Variants in RASGRF1 observed in about 807,000 individuals in gnomAD.
RASGRF1 encodes the protein Ras protein specific guanine nucleotide releasing factor 1.
Under a neutral mutation model 138.7 loss-of-function variants are expected in RASGRF1, and 40 were observed. That is an observed-to-expected ratio of 0.29 (90% CI 0.22 to 0.38). The LOEUF (loss-of-function observed/expected upper bound fraction) is 0.38. Ranked by LOEUF, RASGRF1 falls within the 10% of genes least tolerant of loss-of-function variation. The pLI, the probability that RASGRF1 is intolerant of heterozygous loss-of-function variation, is 1.00. For missense variants in RASGRF1, 1,108 were observed against 1,650.4 expected, an observed-to-expected ratio of 0.67 and a Z score of 5.69; for synonymous variants, 614 against 663.2, an observed-to-expected ratio of 0.93 and a Z score of 1.14.
intron 14 of RASGRF1, chr15:79,004,830 A>T: frequency 1.0e-6 from 1 of 985,334 alleles, no homozygotes; most frequent in Non-Finnish European, 1.2e-6. Flanking sequence ...TGCACACAGG[A>T]TAGGATTGAT....
Position 79,090,633 on chromosome 15 carries a change from A to C in RASGRF1, c.-135T>G. 5.3e-5 allele frequency: 63 copies of C among 1,194,964 alleles called. No homozygotes were observed. Among genetic ancestry groups the C allele is most frequent in the Non-Finnish European group, 6.7e-5 (57 of 853,194 alleles). 74.0% of individuals were successfully genotyped at this position (1,194,964 alleles called of 1,614,324 possible). A position where few individuals can be genotyped will look rare whatever the true frequency, so the allele number is the denominator to read the frequency against. On this transcript the variant is annotated 5_prime_UTR_variant, in exon 1 of 27. Coordinates refer to ENST00000558480, the MANE Select transcript of RASGRF1 (RefSeq NM_001145648.3). ...CTCTAGCTCTCCCCTCCCCCCAAAT[A>C]TCTACACTCCAGGATCTGGCGCCGA...
intron 20 of RASGRF1, 83 bp downstream of exon 20, chr15:78,995,657 G>T (rs2056376054): frequency 2.0e-6 from 3 of 1,471,520 alleles, no homozygotes; most frequent in Admixed American, 3.4e-5. Context: ...ATGAATACGG[G>T]TGATGCCTGT....
rs776652187 is a variant in RASGRF1, at chr15:79,090,458, G to C, written c.41C>G (p.Ser14Cys). Residue 14 changes from serine (S) to cysteine (C), a missense_variant, in exon 1 of 27, where the codon TCC becomes TGC. Ser to Cys is a moderately radical substitution (Grantham distance 112, BLOSUM62 -1). Transcript: ENST00000558480. ...GTCCTTGCGCGCCAGCAGTCCCAGG[G>C]ACGCGACGTGGCCATCATTCAGCCG... ...GIRLNDGHVA[S>C]LGLLARKDGT... 2.5e-6 allele frequency: 4 copies of C among 1,613,004 alleles called. No individual in the cohort carries two copies. The Admixed American group carries it at 6.7e-5, about 27-fold the overall frequency.
chr15:78,985,963 A>G (rs1595871564), intron 22 of RASGRF1: 1 of 152,044 alleles, frequency 6.6e-6, no homozygotes, highest in South Asian at 2.1e-4. Context: ...CTGAAAACAA[A>G]CAAACATACA....
At position 79,060,973 on chromosome 15, in the gene RASGRF1, T is replaced by C. The variant is rs1000925235; in HGVS notation, c.384-2492A>G. Reference sequence around the variant, plus strand: ...GATTGTCTTGGTGGTTGTGATCCAATTGAATGAGACTTTAAAAGCGGGGAG... The same window carrying C: ...GATTGTCTTGGTGGTTGTGATCCAACTGAATGAGACTTTAAAAGCGGGGAG... On this transcript the variant is annotated intron_variant, in intron 2 of 26. Coordinates refer to ENST00000558480, the MANE Select transcript of RASGRF1 (RefSeq NM_001145648.3). 6.6e-5 allele frequency among the ~76,000 whole-genome samples: 10 copies of C among 152,208 alleles called. No individual in the cohort carries two copies. In the East Asian group the frequency reaches 9.7e-4, roughly 15 times the overall value.
In RASGRF1 at chr15:79,004,135, G is replaced by A; in HGVS notation, c.2116C>T (p.Leu706Phe). ...GACTTGGGGGGTTCACCGTACAGGA[G>A]CTTATTGTTCTGGCCACTGGCAAAC... ...LLFASGQNNK[L>F]LYGEPPKSPR... The change falls in exon 15 of 27, where the codon CTC becomes TTC. Residue 706 changes from leucine (L) to phenylalanine (F), a missense_variant. Transcript: ENST00000558480. The A allele has an allele frequency of 1.2e-6, 2 of 1,607,620 alleles. No individual in the cohort carries two copies. Among genetic ancestry groups the A allele is most frequent in the Non-Finnish European group, 1.7e-6 (2 of 1,175,910 alleles).
intron 1 of RASGRF1, among the ~76,000 whole-genome samples, chr15:79,081,129 G>C (rs1028353083): frequency 1.3e-5 from 2 of 152,234 alleles, no homozygotes; most frequent in Admixed American, 6.5e-5. Flanking sequence ...AGCTTTCACG[G>C]GATGAGAATT....
rs2058043204 is a variant in RASGRF1, at chr15:79,090,593, T to C, written c.-95A>G. The C allele has an allele frequency of 7.3e-6, 11 of 1,506,866 alleles. No individual in the cohort carries two copies. The highest frequency in any genetic ancestry group is 9.0e-6 in the Non-Finnish European group (10 of 1,114,544). The allele number at this position is 1,506,866 out of a possible 1,614,324, so 93.3% of individuals were successfully genotyped here. ...GCTGCGCGCTGCCTCTCTCTGGCGC[T>C]CGCTCGCTCGCTCCCTCTAGCTCTC... On this transcript the variant is annotated 5_prime_UTR_variant, in exon 1 of 27. Transcript: ENST00000558480.
Position 79,006,382 on chromosome 15 carries a change from T to C in RASGRF1, c.1879A>G (p.Met627Val). ...ATCTGCAGCACTTTGCAGGAGTTCA[T>C]GGTTTTGCTGAAGCGAATGTCAACA... is the stretch of plus-strand genomic sequence containing the variant. ...DDVDIRFSKT[M>V]NSCKVLQIRY... is the part of the protein sequence containing the mutation. The change falls in exon 14 of 27, where the codon ATG becomes GTG. Residue 627 changes from methionine to valine, a missense_variant. Physicochemically the swap from Met to Val is conservative, Grantham distance 21. Transcript: ENST00000558480. This position sits in a 1 kb window ranked among gnomAD's most constrained non-coding sequence, Gnocchi z 4.0. 6.2e-7 allele frequency: 1 copy of C among 1,614,136 alleles called. No homozygotes were observed. Among genetic ancestry groups the C allele is most frequent in the Non-Finnish European group, 8.5e-7 (1 of 1,180,022 alleles).
At chr15:78,984,946 C>A (rs1442660583) in intron 23 of RASGRF1, 61 bp downstream of exon 23, 4 of 1,553,854 alleles carry the variant, frequency 2.6e-6, no homozygotes, top group Admixed American at 1.7e-5. Context: ...GCCCACGGGT[C>A]TTCCTGCCCT....
intron 26 of RASGRF1, among the ~76,000 whole-genome samples, chr15:78,969,164 AT>A (rs1406511240): frequency 6.6e-6 from 1 of 151,970 alleles, no homozygotes; most frequent in East Asian, 1.9e-4. Context: ...CGTTCCAATC[AT>A]TTTTCTCTTC....
intron 1 of RASGRF1, among the ~76,000 whole-genome samples, chr15:79,080,810 C>T (rs965723497): frequency 6.6e-6 from 1 of 152,156 alleles, no homozygotes; most frequent in Non-Finnish European, 1.5e-5. Context: ...ATTTAACAAC[C>T]AGCCTCAATG....
chr15:79,064,064 A>G (rs530120455), intron 2 of RASGRF1, among the ~76,000 whole-genome samples: 2 of 152,324 alleles, frequency 1.3e-5, no homozygotes, highest in East Asian at 3.9e-4. Flanking sequence ...GTCCATGGTA[A>G]TGCAGCAAAT....
At chr15:78,982,818 G>A (rs964566811) in intron 23 of RASGRF1, among the ~76,000 whole-genome samples, 3 of 152,056 alleles carry the variant, frequency 2.0e-5, no homozygotes, top group Admixed American at 1.3e-4. Flanking sequence ...CAGGAGAGGC[G>A]ACACACAAAT....
chr15:78,982,618 C>G (rs1179262948), intron 23 of RASGRF1, among the ~76,000 whole-genome samples: 1 of 152,006 alleles, frequency 6.6e-6, no homozygotes, highest in Non-Finnish European at 1.5e-5. Context: ...GGATTGAAAG[C>G]AGGAACCAAG....
rs192694152 is a variant in RASGRF1 at position 78,970,468 on chromosome 15, C to T, written c.3681+1398G>A. On this transcript the variant is annotated intron_variant, in intron 26 of 26. Coordinates refer to ENST00000558480, the MANE Select transcript of RASGRF1 (RefSeq NM_001145648.3). Reference sequence around the variant, plus strand: ...CTAGTCCAATTACATAACCTCCTTTCAGGGCTTCCCATGGTCCTAAGGACA... The same window carrying T: ...CTAGTCCAATTACATAACCTCCTTTTAGGGCTTCCCATGGTCCTAAGGACA... 2.8e-3 allele frequency among the ~76,000 whole-genome samples: 424 copies of T among 151,846 alleles called. 3 individuals are homozygous for T. Among genetic ancestry groups the T allele is most frequent in the African/African-American group, 9.3e-3 (386 of 41,400 alleles).
intron 3 of RASGRF1, among the ~76,000 whole-genome samples, chr15:79,053,368 T>C (rs577133785): frequency 8.3e-4 from 127 of 152,352 alleles, no homozygotes; most frequent in Non-Finnish European, 5.3e-4. Context: ...ATATGTGTGT[T>C]CCCGTTCCAA....
chr15:79,004,963 G>T, intron 14 of RASGRF1: 2 of 985,270 alleles, frequency 2.0e-6, no homozygotes, highest in Non-Finnish European at 2.4e-6. Context: ...AGGCCATAGG[G>T]CTGAGAGCTG....
intron 22 of RASGRF1, 94 bp from the exon 23 acceptor site, chr15:78,985,298 A>G: frequency 7.8e-7 from 1 of 1,284,498 alleles, no homozygotes; most frequent in Non-Finnish European, 1.1e-6. Flanking sequence ...GCCTGCTTGA[A>G]AATACAAGAA....
Sources: allele counts gnomAD v4.1 joint callset (sites outside exome capture counted in the v4.1 genomes callset), GRCh38; gene constraint gnomAD v4.1.1; non-coding constraint Gnocchi (gnomAD v3.1); transcripts MANE v1.5; gene names NCBI Gene and HGNC (gene_info 2026-07-23, HGNC 2026-07-21).